The following ABI2 variants were observed in gnomAD, a reference collection of about 807,000 sequenced individuals.
ABI2 encodes the protein abl interactor 2, also known as abelson interactor 2.
ABI2 carries 25 observed loss-of-function variants against 59.2 expected under a neutral mutation model. The observed-to-expected ratio is 0.42, with a 90% CI of 0.31 to 0.59. ABI2 has a LOEUF of 0.59. ABI2 is among the 20% of genes least tolerant of loss of function. The pLI is 0.14. For missense variants in ABI2, 545 were observed against 681.8 expected (o/e 0.80, Z 2.23); for synonymous variants, 213 against 235.5 (o/e 0.90, Z 0.87).
Position 203,395,670 on chromosome 2 carries a change from G to GT in ABI2, c.741dup (p.Gly248TrpfsTer7). 1 of 1,611,862 alleles carries GT rather than the reference G, an allele frequency of 6.2e-7. No individual in the cohort carries two copies. The highest frequency in any genetic ancestry group is 8.5e-7 in the Non-Finnish European group (1 of 1,179,050). Reference sequence around the variant, plus strand: ...TATTTCTTTAGCAGCAGTGGGAGTAGTGGAGGGAGCCACCCAAGTAGTCGG... The same window carrying GT: ...TATTTCTTTAGCAGCAGTGGGAGTAGTTGGAGGGAGCCACCCAAGTAGTCGG... On this transcript the variant is annotated frameshift_variant, in exon 7 of 12. Transcript: ENST00000261018. LOFTEE classifies it high-confidence loss of function.
intron 11 of ABI2, 102 bp downstream of exon 11, chr2:203,417,183 T>C: frequency 9.6e-7 from 1 of 1,045,866 alleles, no homozygotes; most frequent in Non-Finnish European, 1.3e-6. Context: ...AGTGAAGTTC[T>C]ATTTATTTGT....
At chr2:203,358,564 G>T (rs1009570387) in intron 1 of ABI2, among the ~76,000 whole-genome samples, 1 of 152,194 alleles carries the variant, frequency 6.6e-6, no homozygotes, top group Non-Finnish European at 1.5e-5. Flanking sequence ...TTAGAATTCT[G>T]TGTCTCGTTT....
At chr2:203,373,483 TGGGGAG>T (rs1279833228) in intron 2 of ABI2, among the ~76,000 whole-genome samples, 1 of 147,432 alleles carries the variant, frequency 6.8e-6, no homozygotes, top group Admixed American at 6.8e-5. Flanking sequence ...CCATGGGCCG[TGGGGAG>T]AGGGAGAGGG....
intron 1 of ABI2, chr2:203,342,291 C>T (rs1354721146): frequency 2.8e-5 from 12 of 435,486 alleles, no homozygotes; most frequent in South Asian, 1.5e-4. Flanking sequence ...GAAGAATCTT[C>T]GTTGTAAATT....
intron 11 of ABI2, among the ~76,000 whole-genome samples, chr2:203,425,101 A>G (rs919162547): frequency 2.1e-5 from 3 of 143,416 alleles, no homozygotes; most frequent in African/African-American, 5.2e-5. Context: ...GGCAATTTCT[A>G]CATTTTAAAG....
chr2:203,373,676 C>T (rs920123511), intron 2 of ABI2, among the ~76,000 whole-genome samples: 2 of 152,184 alleles, frequency 1.3e-5, no homozygotes, highest in Non-Finnish European at 2.9e-5. Context: ...AAGTAGTGCT[C>T]TTCCCACCTT....
In ABI2 at chr2:203,430,641, A is replaced by G. The variant is rs1353691717; in HGVS notation, c.*3289A>G. Reference sequence around the variant, plus strand: ...ATTTTCCATCATTTAGCTACTTCCTATCTCCCTCAGAGGCGCCTGCTGTTC... The same window carrying G: ...ATTTTCCATCATTTAGCTACTTCCTGTCTCCCTCAGAGGCGCCTGCTGTTC... On this transcript the variant is annotated 3_prime_UTR_variant, in exon 12 of 12. Transcript: ENST00000261018. 2.6e-5 allele frequency: 4 copies of G among 152,148 alleles called. No individual in the cohort carries two copies. The highest frequency in any genetic ancestry group is 1.9e-4 in the East Asian group (1 of 5,200). The allele number at this position is 152,148 out of a possible 1,614,324, so 9.4% of individuals were successfully genotyped here. A position where few individuals can be genotyped will look rare whatever the true frequency, so the allele number is the denominator to read the frequency against.
At chr2:203,337,461 C>G (rs1244766413) in intron 1 of ABI2, among the ~76,000 whole-genome samples, 7 of 152,116 alleles carry the variant, frequency 4.6e-5, no homozygotes, top group Admixed American at 1.3e-4. Context: ...ACACTAAAAA[C>G]TATAAGACAT....
chr2:203,418,148 A>G (rs542842428), intron 11 of ABI2, among the ~76,000 whole-genome samples: 13 of 152,262 alleles, frequency 8.5e-5, no homozygotes, highest in Non-Finnish European at 1.6e-4. Context: ...AAGGTCAGAT[A>G]GTCTTTATGT....
chr2:203,404,890 A>G (rs2097363564), intron 9 of ABI2, among the ~76,000 whole-genome samples: 1 of 152,166 alleles, frequency 6.6e-6, no homozygotes, highest in African/African-American at 2.4e-5. Flanking sequence ...TTGTTCGTGT[A>G]TGCTCCAAAA....
At chr2:203,352,916 CTTACCA>C (rs937704214) in intron 1 of ABI2, among the ~76,000 whole-genome samples, 21 of 152,326 alleles carry the variant, frequency 1.4e-4, no homozygotes, top group African/African-American at 4.3e-4. Context: ...TATTCAAATG[CTTACCA>C]TTATGTTAAA....
intron 3 of ABI2, among the ~76,000 whole-genome samples, chr2:203,380,717 A>C (rs1391547131): frequency 6.6e-6 from 1 of 152,210 alleles, no homozygotes; most frequent in African/African-American, 2.4e-5. Context: ...TTATTATGAA[A>C]GTGTTTACCT....
chr2:203,405,276 C>G (rs1438147276), intron 9 of ABI2, among the ~76,000 whole-genome samples: 2 of 152,278 alleles, frequency 1.3e-5, no homozygotes, highest in South Asian at 2.1e-4. Flanking sequence ...TTTTTGTAAA[C>G]TAATTTTTTT....
intron 1 of ABI2, among the ~76,000 whole-genome samples, chr2:203,341,133 C>G (rs1340134803): frequency 6.6e-6 from 1 of 152,184 alleles, no homozygotes; most frequent in African/African-American, 2.4e-5. Flanking sequence ...CCTGGCTACT[C>G]TGTGTAAAAT....
At chr2:203,412,869 G>T (rs747151037) in intron 10 of ABI2, among the ~76,000 whole-genome samples, 17 of 152,178 alleles carry the variant, frequency 1.1e-4, no homozygotes, top group Non-Finnish European at 2.4e-4. Flanking sequence ...AGTAGAAAAG[G>T]ATTTAATTAC....
chr2:203,388,629 C>T (rs1158086465), intron 4 of ABI2, among the ~76,000 whole-genome samples: 1 of 151,834 alleles, frequency 6.6e-6, no homozygotes, highest in African/African-American at 2.4e-5. Context: ...TGTAGTGAGC[C>T]GAGATCAGGC....
intron 9 of ABI2, among the ~76,000 whole-genome samples, chr2:203,405,499 G>A (rs1308244546): frequency 1.3e-5 from 2 of 151,930 alleles, no homozygotes; most frequent in African/African-American, 2.4e-5. Flanking sequence ...TCAGTGAGCC[G>A]AGATTGTGCC....
intron 11 of ABI2, among the ~76,000 whole-genome samples, chr2:203,425,046 AT>A (rs936599927): frequency 1.8e-4 from 16 of 88,506 alleles, no homozygotes; most frequent in Non-Finnish European, 2.4e-4. Context: ...TTTTTTTTGT[AT>A]TTTTTTTTTG....
At position 203,390,910 on chromosome 2, in the gene ABI2, T is replaced by A. The variant is rs2096719484; in HGVS notation, c.481-136T>A. The A allele has an allele frequency of 1.1e-5, 7 of 665,884 alleles. No individual in the cohort carries two copies. In the East Asian group the frequency reaches 2.0e-4, roughly 19 times the overall value. The allele number at this position is 665,884 out of a possible 1,614,324, so 41.2% of individuals were successfully genotyped here. ...GTAATAGTAGAGTAGAGATTGCATA[T>A]GAAATGCATGGCCTCTAATTTTTTT... is the stretch of plus-strand genomic sequence containing the variant. On this transcript the variant is annotated intron_variant, in intron 4 of 11. Transcript: ENST00000261018.
Sources: gnomAD v4.1 joint callset for allele counts (sites outside exome capture counted in the v4.1 genomes callset) on GRCh38, gnomAD v4.1.1 for gene constraint, MANE v1.5 for transcripts, NCBI Gene and HGNC (gene_info 2026-07-23, HGNC 2026-07-21) for gene names.